AKT3: variants seen among roughly 807,000 people sequenced by gnomAD.
AKT3 encodes the protein AKT serine/threonine kinase 3.
In AKT3, 15 loss-of-function variants were observed where a neutral mutation model predicts 65.3. The ratio of observed to expected loss-of-function variants is 0.23; its 90% confidence interval spans 0.15 to 0.35. The LOEUF is 0.35. AKT3 is among the 10% of genes least tolerant of loss of function. The pLI is 1.00. For missense variants in AKT3, 243 were observed against 576.5 expected, an observed-to-expected ratio of 0.42 and a Z score of 5.92; for synonymous variants, 206 against 183.8, an observed-to-expected ratio of 1.12 and a Z score of -0.98.
intron 2 of AKT3, among the ~76,000 whole-genome samples, chr1:243,721,992 A>G (rs1173970732): frequency 6.6e-6 from 1 of 152,166 alleles, no homozygotes; most frequent in East Asian, 1.9e-4. Context: ...AAATTTCTAC[A>G]TATTATATAA....
intron 2 of AKT3, among the ~76,000 whole-genome samples, chr1:243,788,445 T>C (rs1691409137): frequency 6.6e-6 from 1 of 152,246 alleles, no homozygotes; most frequent in African/African-American, 2.4e-5. Flanking sequence ...TGGGGGGGAC[T>C]GATTCCGGGA....
chr1:243,663,727 G>A (rs1208299269), intron 4 of AKT3, among the ~76,000 whole-genome samples: 1 of 152,098 alleles, frequency 6.6e-6, no homozygotes, highest in Non-Finnish European at 1.5e-5. Flanking sequence ...AAAACTTTGT[G>A]TATTCATTTG....
intron 4 of AKT3, among the ~76,000 whole-genome samples, chr1:243,656,165 A>T (rs1681775332): frequency 6.6e-6 from 1 of 152,132 alleles, no homozygotes; most frequent in Non-Finnish European, 1.5e-5. Flanking sequence ...TGACTAATTG[A>T]AAGAGGGCAT....
intron 6 of AKT3, among the ~76,000 whole-genome samples, chr1:243,632,853 G>A (rs1441372811): frequency 6.6e-6 from 1 of 152,102 alleles, no homozygotes; most frequent in East Asian, 1.9e-4. Context: ...GCTTCCAACT[G>A]TTCTTCTGCA....
chr1:243,590,629 A>C (rs966744040), intron 8 of AKT3, among the ~76,000 whole-genome samples: 5 of 152,202 alleles, frequency 3.3e-5, no homozygotes, highest in Admixed American at 6.5e-5. Flanking sequence ...GAGACTGTAG[A>C]GATAAAACAA....
chr1:243,839,023 GT>G (rs1695071836), intron 2 of AKT3, among the ~76,000 whole-genome samples: 1 of 152,052 alleles, frequency 6.6e-6, no homozygotes, highest in African/African-American at 2.4e-5. Context: ...GAATTGACTA[GT>G]TATACATTAT....
At chr1:243,672,723 C>G (rs565179330) in intron 3 of AKT3, among the ~76,000 whole-genome samples, 132 of 152,308 alleles carry the variant, frequency 8.7e-4, no homozygotes, top group Non-Finnish European at 1.5e-3. Flanking sequence ...TCTCCTAACA[C>G]ATTTTTCTTC....
intron 4 of AKT3, among the ~76,000 whole-genome samples, chr1:243,646,567 C>T (rs546702094): frequency 3.0e-4 from 45 of 152,186 alleles, no homozygotes; most frequent in Middle Eastern, 3.4e-3. Context: ...GTTGGCCAGG[C>T]TGGTCTCGAA....
chr1:243,637,885 G>T, intron 5 of AKT3, 143 bp from the exon 6 acceptor site: 2 of 511,222 alleles, frequency 3.9e-6, no homozygotes, highest in Middle Eastern at 5.2e-4. Context: ...AATCAGACTG[G>T]CATTGGCTGT....
chr1:243,782,496 T>C (rs1402144628), intron 2 of AKT3, among the ~76,000 whole-genome samples: 1 of 152,124 alleles, frequency 6.6e-6, no homozygotes, highest in Non-Finnish European at 1.5e-5. Flanking sequence ...CTTGCCCCCA[T>C]TTATGCAGGC....
chr1:243,704,199 G>C (rs1281399785), intron 2 of AKT3, among the ~76,000 whole-genome samples: 1 of 151,978 alleles, frequency 6.6e-6, no homozygotes, highest in African/African-American at 2.4e-5. Context: ...GATCAAAAAA[G>C]CCACTTTAAA....
chr1:243,836,029 C>T (rs959095215), intron 2 of AKT3, among the ~76,000 whole-genome samples: 18 of 151,986 alleles, frequency 1.2e-4, no homozygotes, highest in African/African-American at 4.3e-4. Flanking sequence ...ACAGAAAACT[C>T]AATCATATCA....
chr1:243,567,392 C>T (rs987631023), intron 9 of AKT3, among the ~76,000 whole-genome samples: 3 of 151,930 alleles, frequency 2.0e-5, no homozygotes, highest in African/African-American at 7.2e-5. Flanking sequence ...ACTGCAGCCT[C>T]AACCTCCCAG....
chr1:243,642,512 T>A (rs562910459), intron 5 of AKT3, among the ~76,000 whole-genome samples: 6 of 152,214 alleles, frequency 3.9e-5, no homozygotes, highest in Admixed American at 3.9e-4. Flanking sequence ...GGTTTCACCG[T>A]GTTAGCCAGG....
At chr1:243,826,165 T>G (rs1348712943) in intron 2 of AKT3, among the ~76,000 whole-genome samples, 1 of 151,918 alleles carries the variant, frequency 6.6e-6, no homozygotes, top group Non-Finnish European at 1.5e-5. Context: ...AGCATAAACC[T>G]AGTACTCCTA....
chr1:243,573,713 A>T (rs2148509240), intron 8 of AKT3, among the ~76,000 whole-genome samples: 1 of 152,190 alleles, frequency 6.6e-6, no homozygotes, highest in East Asian at 1.9e-4. Context: ...AATAATAATT[A>T]GCTACAATGC....
Position 243,627,144 on chromosome 1 carries a change from C to T in AKT3, c.561+10467G>A, listed in dbSNP as rs139282448. ...GACTTGAATAATATAGTATCATCTA[C>T]AGCATCAGCAGTCTCTGACATGGTT... On this transcript the variant is annotated intron_variant, in intron 6 of 13. Transcript: ENST00000673466. Among the ~76,000 whole-genome samples the T allele has an allele frequency of 2.4e-3, 367 of 152,248 alleles. 2 individuals are homozygous for T. Among genetic ancestry groups the T allele is most frequent in the African/African-American group, 8.7e-3 (360 of 41,544 alleles).
Position 243,788,295 on chromosome 1 carries a change from C to T in AKT3, c.46+54830G>A, listed in dbSNP as rs573520884. 2.0e-5 allele frequency among the ~76,000 whole-genome samples: 3 copies of T among 152,108 alleles called. No individual in the cohort carries two copies. In the South Asian group the frequency reaches 6.2e-4, roughly 32 times the overall value. ...CACAGGTTTATATAATAGTAGATGT[C>T]ATGTATCTTGGTCATATTCTAAAAG... On this transcript the variant is annotated intron_variant, in intron 2 of 13. Coordinates refer to ENST00000673466, the MANE Select transcript of AKT3 (RefSeq NM_005465.7).
At chr1:243,533,787 G>A (rs1217796641) in intron 12 of AKT3, among the ~76,000 whole-genome samples, 3 of 151,988 alleles carry the variant, frequency 2.0e-5, no homozygotes, top group Non-Finnish European at 4.4e-5. Flanking sequence ...TCAGGAGATC[G>A]AGACCATCCT....
Sources: gnomAD v4.1 joint callset for allele counts (sites outside exome capture counted in the v4.1 genomes callset) on GRCh38, gnomAD v4.1.1 for gene constraint, MANE v1.5 for transcripts, NCBI Gene and HGNC (gene_info 2026-07-23, HGNC 2026-07-21) for gene names.